Variants in RNF38 observed in about 807,000 individuals in gnomAD.
RNF38 encodes the protein E3 ubiquitin-protein ligase RNF38.
RNF38 carries 15 observed loss-of-function variants against 67.2 expected under a neutral mutation model. The ratio of observed to expected loss-of-function variants is 0.22; its 90% CI spans 0.15 to 0.34. RNF38 has a LOEUF of 0.34. Ranked by LOEUF, RNF38 falls within the 10% of genes least tolerant of loss-of-function variation. RNF38 has a pLI of 1.00. For missense variants in RNF38, 524 were observed against 639.9 expected, an observed-to-expected ratio of 0.82 and a Z score of 1.95; for synonymous variants, 220 against 218.8, an observed-to-expected ratio of 1.01 and a Z score of -0.05.
intron 1 of RNF38, among the ~76,000 whole-genome samples, chr9:36,429,965 A>C (rs1014411979): frequency 1.3e-5 from 2 of 152,164 alleles, no homozygotes; most frequent in Admixed American, 6.5e-5. Flanking sequence ...CAACTATAAT[A>C]TACTTTATAT....
chr9:36,458,505 G>A (rs756937443), intron 1 of RNF38, among the ~76,000 whole-genome samples: 4 of 152,170 alleles, frequency 2.6e-5, no homozygotes, highest in African/African-American at 9.7e-5. Flanking sequence ...AAGCGTCCGC[G>A]GCTTCATTCC....
chr9:36,386,681 C>G lies in RNF38; in HGVS notation c.162+3786G>C, dbSNP rs549875678. Among the ~76,000 whole-genome samples, 9 of 152,270 alleles carry G rather than the reference C, an allele frequency of 5.9e-5. No individual in the cohort carries two copies. In the East Asian group the frequency reaches 1.5e-3, roughly 26 times the overall value. On this transcript the variant is annotated intron_variant, in intron 2 of 11. Coordinates refer to ENST00000259605, the MANE Select transcript of RNF38 (RefSeq NM_022781.5). The stretch of plus-strand genomic sequence containing the variant: ...TAACAGGTTGCAGTAAAGAAGCCGG[C>G]TAAAACCCACTAAAACCAAGATGGT...
chr9:36,480,842 G>A (rs929617198), intron 1 of RNF38, among the ~76,000 whole-genome samples: 7 of 150,078 alleles, frequency 4.7e-5, no homozygotes, highest in African/African-American at 1.7e-4. Context: ...GAGCCGCCAC[G>A]CCCGGCCCCT....
intron 1 of RNF38, among the ~76,000 whole-genome samples, chr9:36,429,790 T>C (rs1394782418): frequency 6.6e-6 from 1 of 152,158 alleles, no homozygotes; most frequent in African/African-American, 2.4e-5. Flanking sequence ...CAAGATTCCG[T>C]CTCAAGAAAA....
At chr9:36,440,377 C>T (rs974447491) in intron 1 of RNF38, among the ~76,000 whole-genome samples, 9 of 151,712 alleles carry the variant, frequency 5.9e-5, no homozygotes, top group Non-Finnish European at 1.2e-4. Context: ...ACTAAAAATA[C>T]AAAATTAACC....
intron 1 of RNF38, among the ~76,000 whole-genome samples, chr9:36,396,656 GC>G (rs1208574480): frequency 6.6e-6 from 1 of 152,108 alleles, no homozygotes; most frequent in African/African-American, 2.4e-5. Context: ...TTAGAGTTAT[GC>G]AAAAGGCAGG....
upstream of RNF38, chr9:36,487,661 C>T (rs1238600813): frequency 1.2e-6 from 1 of 820,370 alleles, no homozygotes. Context: ...ACGGAGGCGG[C>T]TCCCGAAGGG....
At chr9:36,352,647 C>T in intron 8 of RNF38, 95 bp downstream of exon 8, 2 of 943,626 alleles carry the variant, frequency 2.1e-6, no homozygotes, top group Non-Finnish European at 3.4e-6. Context: ...AAATAACTAA[C>T]ACACCAAAAG....
intron 1 of RNF38, among the ~76,000 whole-genome samples, chr9:36,465,527 T>C (rs1839839349): frequency 6.6e-6 from 1 of 152,048 alleles, no homozygotes; most frequent in Non-Finnish European, 1.5e-5. Flanking sequence ...TATATTTTTA[T>C]AGAGACAGGG....
chr9:36,464,011 C>A (rs1839799743), intron 1 of RNF38, among the ~76,000 whole-genome samples: 1 of 151,186 alleles, frequency 6.6e-6, no homozygotes, highest in Non-Finnish European at 1.5e-5. Flanking sequence ...ACTAAAAATA[C>A]AAAAAATTAG....
At chr9:36,429,538 T>C (rs1190551895) in intron 1 of RNF38, among the ~76,000 whole-genome samples, 1 of 152,176 alleles carries the variant, frequency 6.6e-6, no homozygotes, top group Non-Finnish European at 1.5e-5. Context: ...CCCAGCACTT[T>C]GGGAGGCTGA....
At chr9:36,397,960 TCTCC>T (rs1342313724) in intron 1 of RNF38, among the ~76,000 whole-genome samples, 1 of 152,088 alleles carries the variant, frequency 6.6e-6, no homozygotes, top group Non-Finnish European at 1.5e-5. Flanking sequence ...ACTCTCTCCC[TCTCC>T]CTCTCTCCAA....
chr9:36,375,938 T>C lies in RNF38; in HGVS notation c.352A>G (p.Arg118Gly), dbSNP rs1835754674. 2 of 1,606,226 alleles carry C rather than the reference T, an allele frequency of 1.2e-6. No individual in the cohort carries two copies. ...ERCNTPARNR[R>G]SPPVRRQRGR... ...AATAAATTGTAATCAACTAACCTTC[T>C]TCTGTTGCGTGCAGGTGTGTTGCAT... is the stretch of plus-strand genomic sequence containing the variant. Residue 118 changes from arginine (R) to glycine (G), a missense_variant, in exon 3 of 12, where the codon AGA (arginine) becomes GGA (glycine). Physicochemically the swap from Arg to Gly is moderately radical, Grantham distance 125 (BLOSUM62 -2). Around this residue, in one of 2 missense-constraint regions of RNF38, gnomAD observed 461 missense variants for 517.4 expected, o/e 0.89. Coordinates refer to ENST00000259605, the MANE Select transcript of RNF38 (RefSeq NM_022781.5).
intron 2 of RNF38, among the ~76,000 whole-genome samples, chr9:36,412,575 C>T (rs1034111907): frequency 3.9e-5 from 6 of 152,240 alleles, no homozygotes; most frequent in African/African-American, 7.2e-5. Flanking sequence ...AATGGCTTAG[C>T]GCCATCCACT....
At chr9:36,399,981 T>C (rs1837874331) in intron 1 of RNF38, 116 bp downstream of exon 1, 5 of 916,334 alleles carry the variant, frequency 5.5e-6, no homozygotes, top group Non-Finnish European at 8.4e-6. Flanking sequence ...TGGCAATTCA[T>C]ATAATGGTGG....
chr9:36,377,711 A>G (rs1332584077), intron 2 of RNF38, among the ~76,000 whole-genome samples: 2 of 152,156 alleles, frequency 1.3e-5, no homozygotes, highest in Non-Finnish European at 2.9e-5. Context: ...CTGATATAAA[A>G]TGGTGTCGTA....
chr9:36,358,167 A>G lies in RNF38; in HGVS notation c.571-225T>C, dbSNP rs989079267. On this transcript the variant is annotated intron_variant, in intron 4 of 11. Transcript: ENST00000259605. ...AAAATTGGGGCTAAACTCCTCCCTCAAATGACTTGAAAAGCCCAGGGAAAT... is the reference window on the plus strand; with the variant it reads ...AAAATTGGGGCTAAACTCCTCCCTCGAATGACTTGAAAAGCCCAGGGAAAT... 3.3e-5 allele frequency among the ~76,000 whole-genome samples: 5 copies of G among 152,292 alleles called. No individual in the cohort carries two copies. In the East Asian group the frequency reaches 7.7e-4, roughly 24 times the overall value.
intron 1 of RNF38, among the ~76,000 whole-genome samples, chr9:36,482,175 T>G (rs1359315320): frequency 1.3e-5 from 2 of 148,882 alleles, no homozygotes; most frequent in Non-Finnish European, 3.0e-5. Context: ...TGCCTCAGCC[T>G]CCCAAGTAGC....
At chr9:36,429,614 T>A (rs937684114) in intron 1 of RNF38, among the ~76,000 whole-genome samples, 4 of 151,980 alleles carry the variant, frequency 2.6e-5, no homozygotes, top group African/African-American at 9.7e-5. Flanking sequence ...GCCAACAAGA[T>A]GAAACCCTGC....
Sources: gnomAD v4.1 joint callset for allele counts (sites outside exome capture counted in the v4.1 genomes callset) on GRCh38, gnomAD v4.1.1 for gene constraint, gnomAD v4.1.1 regional missense constraint, MANE v1.5 for transcripts, NCBI Gene and HGNC (gene_info 2026-07-23, HGNC 2026-07-21) for gene names.